Variants in STK32C observed in about 807,000 individuals in gnomAD.
The protein encoded by STK32C is serine/threonine kinase 32C.
Under a neutral mutation model 56.5 loss-of-function variants are expected in STK32C, and 31 were observed. The observed-to-expected ratio is 0.55, with a 90% CI of 0.41 to 0.74. The LOEUF (loss-of-function observed/expected upper bound fraction) is 0.74. Among genes scored for constraint, STK32C ranks in the 30% least tolerant of loss-of-function variants. STK32C has a pLI of 0.00. For synonymous variants in STK32C, 309 were observed against 289.4 expected, an observed-to-expected ratio of 1.07 and a Z score of -0.69; for missense variants, 544 against 676.9, an observed-to-expected ratio of 0.80 and a Z score of 2.18.
Position 132,222,997 on chromosome 10 carries a change from G to T in STK32C, c.994-11C>A. On this transcript the variant is annotated splice_polypyrimidine_tract_variant and intron_variant, in intron 8 of 11. Transcript: ENST00000298630. ...GTTCACAGTGAGGAGCTGCAACCAGGCATGAGTCAGAGGGTCCAGGGCCCA... is the reference window on the plus strand; with the variant it reads ...GTTCACAGTGAGGAGCTGCAACCAGTCATGAGTCAGAGGGTCCAGGGCCCA... 6.5e-7 allele frequency: 1 copy of T among 1,546,872 alleles called. No individual in the cohort carries two copies.
At chr10:132,317,940 G>A (rs539727758) in intron 1 of STK32C, among the ~76,000 whole-genome samples, 10 of 146,248 alleles carry the variant, frequency 6.8e-5, no homozygotes, top group African/African-American at 2.5e-4. Context: ...ATCACACCAA[G>A]GCACTCCAGC....
intron 1 of STK32C, chr10:132,249,137 G>C (rs1303642337): frequency 9.0e-6 from 4 of 446,312 alleles, no homozygotes; most frequent in East Asian, 1.4e-4. Flanking sequence ...GTGGCGTCAG[G>C]GCGTGCAGGG....
chr10:132,238,794 C>T (rs1436710833), intron 2 of STK32C, among the ~76,000 whole-genome samples: 1 of 151,990 alleles, frequency 6.6e-6, no homozygotes, highest in Non-Finnish European at 1.5e-5. Context: ...CACACACACA[C>T]ATACCACATA....
chr10:132,224,359 G>A (rs760761841), intron 8 of STK32C, 48 bp downstream of exon 8: 1 of 1,380,476 alleles, frequency 7.2e-7, no homozygotes, highest in Non-Finnish European at 1.0e-6. Context: ...AAGTGAGGGA[G>A]GGAGGTGGGT....
intron 2 of STK32C, among the ~76,000 whole-genome samples, chr10:132,231,157 C>A (rs560024343): frequency 9.8e-5 from 15 of 152,374 alleles, no homozygotes; most frequent in African/African-American, 3.6e-4. Context: ...ATCCCATCAC[C>A]CACAGCCAGG....
chr10:132,257,099 T>C (rs993369226), intron 1 of STK32C, among the ~76,000 whole-genome samples: 3 of 152,096 alleles, frequency 2.0e-5, no homozygotes, highest in African/African-American at 7.2e-5. Flanking sequence ...AGGGCCACAC[T>C]CAGGGCTCGC....
At chr10:132,326,236 G>T (rs1212539545) in intron 1 of STK32C, among the ~76,000 whole-genome samples, 1 of 152,174 alleles carries the variant, frequency 6.6e-6, no homozygotes, top group African/African-American at 2.4e-5. Flanking sequence ...AAATTTGGGG[G>T]TAATTATCTT....
At chr10:132,223,144 G>A (rs1055547882) in intron 8 of STK32C, among the ~76,000 whole-genome samples, 158 bp from the exon 9 acceptor site, 10 of 152,236 alleles carry the variant, frequency 6.6e-5, no homozygotes, top group African/African-American at 2.4e-4. Context: ...TGGTGCCGAC[G>A]GCCGACATCA....
intron 11 of STK32C, among the ~76,000 whole-genome samples, 154 bp downstream of exon 11, chr10:132,208,880 C>T (rs1271868488): frequency 6.6e-6 from 1 of 152,184 alleles, no homozygotes; most frequent in Non-Finnish European, 1.5e-5. Flanking sequence ...CCTCCCGCCG[C>T]TCCCCTCCAT....
intron 1 of STK32C, among the ~76,000 whole-genome samples, chr10:132,290,676 G>C (rs2065536662): frequency 6.6e-6 from 1 of 152,216 alleles, no homozygotes; most frequent in South Asian, 2.1e-4. Flanking sequence ...GCTGTGTCCT[G>C]AGGCATCCCC....
intron 1 of STK32C, among the ~76,000 whole-genome samples, chr10:132,256,117 T>G (rs1224240733): frequency 6.6e-6 from 1 of 152,222 alleles, no homozygotes; most frequent in Admixed American, 6.5e-5. Flanking sequence ...GGCTCCATCT[T>G]GGCAGCGATG....
intron 2 of STK32C, among the ~76,000 whole-genome samples, chr10:132,231,116 G>A (rs564137371): frequency 6.6e-6 from 1 of 152,302 alleles, no homozygotes; most frequent in East Asian, 1.9e-4. Context: ...CCTTGGCCCT[G>A]TGACCCAAGC....
chr10:132,325,010 T>C (rs1473404207), intron 1 of STK32C, among the ~76,000 whole-genome samples: 2 of 152,182 alleles, frequency 1.3e-5, no homozygotes, highest in Non-Finnish European at 2.9e-5. Flanking sequence ...TGGGTTAAGA[T>C]AAGGGGTTGT....
downstream of STK32C, among the ~76,000 whole-genome samples, chr10:132,319,195 C>T (rs371305261): frequency 6.6e-6 from 1 of 152,144 alleles, no homozygotes; most frequent in African/African-American, 2.4e-5. Flanking sequence ...GTGATCCGCC[C>T]ACCTCGGCCT....
chr10:132,259,641 CTG>C (rs1565120433), intron 1 of STK32C, among the ~76,000 whole-genome samples: 1 of 152,242 alleles, frequency 6.6e-6, no homozygotes, highest in East Asian at 1.9e-4. Flanking sequence ...TCCACCATGA[CTG>C]TAAGTTTCCT....
intron 2 of STK32C, among the ~76,000 whole-genome samples, chr10:132,242,808 G>A (rs1275775708): frequency 3.9e-5 from 6 of 152,224 alleles, no homozygotes; most frequent in East Asian, 1.9e-4. Flanking sequence ...CTGTCAGCAC[G>A]TTTCACAGAC....
downstream of STK32C, among the ~76,000 whole-genome samples, chr10:132,322,040 T>C (rs564712951): frequency 6.6e-6 from 1 of 152,010 alleles, no homozygotes. Flanking sequence ...CAGCAGCGGG[T>C]TCCGTGGGCT....
At chr10:132,246,273 C>A (rs571977873) in intron 1 of STK32C, among the ~76,000 whole-genome samples, 13 of 152,362 alleles carry the variant, frequency 8.5e-5, no homozygotes, top group Admixed American at 5.9e-4. Context: ...ACTGGGCTGT[C>A]TTCCCAGGCA....
intron 1 of STK32C, among the ~76,000 whole-genome samples, chr10:132,283,749 C>T (rs965180046): frequency 2.0e-5 from 3 of 152,124 alleles, no homozygotes; most frequent in Non-Finnish European, 4.4e-5. Flanking sequence ...CATACACGTC[C>T]GACTCCGCTG....
Sources: gnomAD v4.1 joint callset for allele counts (sites outside exome capture counted in the v4.1 genomes callset) on GRCh38, gnomAD v4.1.1 for gene constraint, MANE v1.5 for transcripts, NCBI Gene and HGNC (gene_info 2026-07-23, HGNC 2026-07-21) for gene names.